THADA: variants seen among roughly 807,000 people sequenced by gnomAD.
THADA encodes the protein THADA armadillo repeat containing.
Under a neutral mutation model 219.8 loss-of-function variants are expected in THADA, and 213 were observed. That is an observed-to-expected ratio of 0.97 (90% CI 0.87 to 1.09). THADA has a LOEUF of 1.09. THADA is among the 50% of genes least tolerant of loss of function. The pLI, the probability that THADA is intolerant of heterozygous loss-of-function variation, is 0.00. For missense variants in THADA, 2,956 were observed against 2,311.3 expected, an observed-to-expected ratio of 1.28 and a Z score of -5.72; for synonymous variants, 1,018 against 828.9, an observed-to-expected ratio of 1.23 and a Z score of -3.92.
At chr2:43,286,721 G>A (rs138992702) in intron 35 of THADA, among the ~76,000 whole-genome samples, 187 bp downstream of exon 35, 6 of 151,764 alleles carry the variant, frequency 4.0e-5, no homozygotes, top group Admixed American at 6.6e-5. Flanking sequence ...GTGAAACTCC[G>A]TCTCAAAAAA....
chr2:43,341,579 A>T (rs1156616595), intron 30 of THADA, among the ~76,000 whole-genome samples: 1 of 152,238 alleles, frequency 6.6e-6, no homozygotes, highest in Non-Finnish European at 1.5e-5. Context: ...TAATGGACTC[A>T]GGAAGCCAGT....
chr2:43,566,389 T>C (rs1247871156), intron 15 of THADA: 1 of 665,316 alleles, frequency 1.5e-6, no homozygotes, highest in South Asian at 1.8e-5. Flanking sequence ...AAAGAACAGA[T>C]TGGATACTAT....
chr2:43,489,874 C>CAAAAAAAAAAAAAAAACAAAAAAAAA (rs1687408351), intron 25 of THADA, among the ~76,000 whole-genome samples: 1 of 56,088 alleles, frequency 1.8e-5, no homozygotes, highest in Non-Finnish European at 3.8e-5. Context: ...TTAAGATCTG[C>CAAAAAAAAAAAAAAAACAAAAAAAAA]AAAAAAAAAA....
At chr2:43,313,462 A>T (rs1178284309) in intron 31 of THADA, among the ~76,000 whole-genome samples, 1 of 152,242 alleles carries the variant, frequency 6.6e-6, no homozygotes, top group Non-Finnish European at 1.5e-5. Context: ...CTGAACTATA[A>T]ATATCAACTA....
chr2:43,291,414 A>C (rs189875017), intron 34 of THADA, among the ~76,000 whole-genome samples: 455 of 135,860 alleles, frequency 3.3e-3, no homozygotes, highest in African/African-American at 0.012. Context: ...AGATCGTGCC[A>C]CTGCACTCCA....
chr2:43,261,043 C>T (rs1249342598), intron 36 of THADA, among the ~76,000 whole-genome samples: 1 of 151,744 alleles, frequency 6.6e-6, no homozygotes, highest in South Asian at 2.1e-4. Context: ...TGTTATTTTA[C>T]CCGATATGTA....
chr2:43,472,725 G>T (rs992481081), intron 26 of THADA, among the ~76,000 whole-genome samples: 3 of 152,156 alleles, frequency 2.0e-5, no homozygotes, highest in Non-Finnish European at 2.9e-5. Flanking sequence ...ACATCGTAGA[G>T]TATACTTATA....
At chr2:43,480,497 G>A (rs1011343367) in intron 26 of THADA, among the ~76,000 whole-genome samples, 4 of 152,238 alleles carry the variant, frequency 2.6e-5, no homozygotes, top group Middle Eastern at 3.4e-3. Context: ...GTTCAGTGGA[G>A]AAAATTAGAA....
intron 29 of THADA, among the ~76,000 whole-genome samples, chr2:43,354,902 C>A (rs1236332097): frequency 1.3e-5 from 2 of 151,902 alleles, no homozygotes; most frequent in East Asian, 3.9e-4. Context: ...CTCACGAGAC[C>A]TGATGGTTTT....
intron 36 of THADA, among the ~76,000 whole-genome samples, chr2:43,247,088 C>T (rs904240191): frequency 1.3e-5 from 2 of 152,142 alleles, no homozygotes; most frequent in East Asian, 1.9e-4. Flanking sequence ...TTAAGGGTTT[C>T]GAGACTCCAG....
chr2:43,460,233 C>T, intron 26 of THADA, among the ~76,000 whole-genome samples: 1 of 86,994 alleles, frequency 1.1e-5, no homozygotes, highest in Non-Finnish European at 2.1e-5. Context: ...CAAGCTTTCT[C>T]TTAATAAAAA....
chr2:43,464,545 T>C lies in THADA; in HGVS notation c.3836+20689A>G, dbSNP rs775705291. Among the ~76,000 whole-genome samples the C allele has an allele frequency of 2.6e-5, 4 of 152,222 alleles. No individual in the cohort carries two copies. In the East Asian group the frequency reaches 7.7e-4, roughly 29 times the overall value. ...ACTAATAAGTTTTGTTAAATGCCTCTTGAATTAAGTTAAGAAGGCTATTTG... is the reference window on the plus strand; with the variant it reads ...ACTAATAAGTTTTGTTAAATGCCTCCTGAATTAAGTTAAGAAGGCTATTTG... On this transcript the variant is annotated intron_variant, in intron 26 of 37. Transcript: ENST00000405975.
In THADA at chr2:43,398,085, G is replaced by A. The variant is rs781510889; in HGVS notation, c.4113C>T (p.Val1371=). The part of the protein sequence containing the change: ...HSREMAARAL[V]PFVMIDHIPN... Reference sequence around the variant, plus strand: ...GAATGTGATCTATCATAACAAATGGGACCAAGGCACGAGCTGCCATTTCAC... The same window carrying A: ...GAATGTGATCTATCATAACAAATGGAACCAAGGCACGAGCTGCCATTTCAC... Residue 1371 remains valine, a synonymous_variant, in exon 29 of 38, where the codon GTC becomes GTT. Coordinates refer to ENST00000405975, the MANE Select transcript of THADA (RefSeq NM_022065.5). 25 of 1,613,990 alleles carry A rather than the reference G, an allele frequency of 1.5e-5. No homozygotes were observed. The highest frequency in any genetic ancestry group is 1.4e-5 in the Non-Finnish European group (16 of 1,179,866).
chr2:43,348,953 G>A (rs1358280348), intron 29 of THADA, among the ~76,000 whole-genome samples: 1 of 152,168 alleles, frequency 6.6e-6, no homozygotes, highest in Non-Finnish European at 1.5e-5. Flanking sequence ...TTGGAGAAGG[G>A]TTAGAGGTGG....
chr2:43,341,806 G>A (rs1057309980), intron 30 of THADA, among the ~76,000 whole-genome samples: 5 of 152,148 alleles, frequency 3.3e-5, no homozygotes, highest in African/African-American at 9.7e-5. Context: ...ACAGCTGAGG[G>A]TACTGATGTG....
At chr2:43,478,264 A>G (rs1685779557) in intron 26 of THADA, among the ~76,000 whole-genome samples, 1 of 152,230 alleles carries the variant, frequency 6.6e-6, no homozygotes, top group South Asian at 2.1e-4. Context: ...TCCAAACTGT[A>G]CATTACTCAA....
At chr2:43,551,716 G>C in intron 19 of THADA, 73 bp downstream of exon 19, 1 of 1,345,000 alleles carries the variant, frequency 7.4e-7, no homozygotes, top group South Asian at 1.9e-5. Context: ...GAAATACTTG[G>C]GGAAAAAAAA....
chr2:43,523,151 G>A (rs1264209590), intron 22 of THADA, among the ~76,000 whole-genome samples: 2 of 152,092 alleles, frequency 1.3e-5, no homozygotes, highest in African/African-American at 4.8e-5. Context: ...TACTGCTTGA[G>A]CCCAGGAGTT....
chr2:43,265,791 A>G (rs1332082697), intron 36 of THADA, among the ~76,000 whole-genome samples: 2 of 152,108 alleles, frequency 1.3e-5, no homozygotes, highest in Non-Finnish European at 2.9e-5. Flanking sequence ...TCCTAACTCC[A>G]TTCCCCACCC....
Sources: allele counts gnomAD v4.1 joint callset (sites outside exome capture counted in the v4.1 genomes callset), GRCh38; gene constraint gnomAD v4.1.1; transcripts MANE v1.5; gene names NCBI Gene and HGNC (gene_info 2026-07-23, HGNC 2026-07-21).